Variants in PKD1L3 observed in about 807,000 individuals in gnomAD.
The protein encoded by PKD1L3 is polycystin 1 like 3, transient receptor potential channel interacting, also known as polycystin-1-like protein 3.
Under a neutral mutation model 184.1 loss-of-function variants are expected in PKD1L3, and 239 were observed. The observed-to-expected ratio is 1.30, with a 90% CI of 1.17 to 1.45. PKD1L3 has a LOEUF of 1.45. Among genes scored for constraint, PKD1L3 ranks in the 40% most tolerant of loss-of-function variants. The pLI, the probability that PKD1L3 is intolerant of heterozygous loss-of-function variation, is 0.00. For synonymous variants in PKD1L3, 996 were observed against 778.8 expected (o/e 1.28, Z -4.64); for missense variants, 2,660 against 2,067.2 (o/e 1.29, Z -5.56).
At chr16:71,967,030 G>C in intron 15 of PKD1L3, 107 bp downstream of exon 15, 1 of 1,202,212 alleles carries the variant, frequency 8.3e-7, no homozygotes, top group Non-Finnish European at 1.1e-6. Flanking sequence ...ATAGTCATTT[G>C]TTACTATTTG....
chr16:71,955,199 T>C (rs536341629), intron 16 of PKD1L3, among the ~76,000 whole-genome samples: 1 of 151,916 alleles, frequency 6.6e-6, no homozygotes, highest in African/African-American at 2.4e-5. Flanking sequence ...TGTGAAGGGT[T>C]GGAATGAAAA....
intron 3 of PKD1L3, among the ~76,000 whole-genome samples, chr16:71,992,542 C>A (rs1206136846): frequency 6.6e-6 from 1 of 152,214 alleles, no homozygotes; most frequent in East Asian, 1.9e-4. Context: ...CAAAATATGT[C>A]ATCTTTACTT....
Position 71,944,134 on chromosome 16 carries a change from T to G in PKD1L3, c.3755A>C (p.Lys1252Thr). 2 of 1,551,328 alleles carry G rather than the reference T, an allele frequency of 1.3e-6. No homozygotes were observed. The highest frequency in any genetic ancestry group is 1.4e-5 in the African/African-American group (1 of 73,162). ...CSSSVPGSRDKNNPVYVAPAI... is the reference protein window; with the variant it reads ...CSSSVPGSRDTNNPVYVAPAI... ...TGGGGCTACATAGACGGGGTTGTTC[T>G]TATCTCTTGAACCTGGTACTGACGA... Residue 1252 changes from lysine to threonine, a missense_variant, in exon 23 of 30, where the codon AAG (lysine) becomes ACG (threonine). Transcript: ENST00000620267.
chr16:71,980,571 T>C (rs8050981), intron 7 of PKD1L3, among the ~76,000 whole-genome samples: 115,765 of 152,124 alleles, frequency 0.76, 44,304 homozygotes, highest in South Asian at 0.86. Flanking sequence ...TGGTGGCTCA[T>C]ACCTGTAATC....
rs1455849439 is a variant in PKD1L3 at position 71,982,040 on chromosome 16, C to A, written c.1143+19G>T. On this transcript the variant is annotated intron_variant, in intron 7 of 29. Transcript: ENST00000620267. ...AATGCTTCTAAGCAGATCTGGCCAC[C>A]TGCATATCTGGCACCTACCGGCTCA... 1 of 1,529,830 alleles carries A rather than the reference C, an allele frequency of 6.5e-7. No homozygotes were observed. The allele number at this position is 1,529,830 out of a possible 1,614,324, so 94.8% of individuals were successfully genotyped here.
intron 29 of PKD1L3, 110 bp from the exon 30 acceptor site, chr16:71,929,788 A>AT (rs2037860928): frequency 8.7e-7 from 1 of 1,143,120 alleles, no homozygotes; most frequent in South Asian, 1.7e-5. Context: ...TAAAGATACT[A>AT]TTTCTTTAAT....
chr16:71,990,232 CAA>C (rs1567552682), intron 4 of PKD1L3, 46 bp downstream of exon 4: 5 of 1,450,992 alleles, frequency 3.4e-6, no homozygotes, highest in Non-Finnish European at 4.7e-6. Flanking sequence ...CTAGGTATGA[CAA>C]AGAGATCAAC....
chr16:71,999,075 T>C (rs541876742), intron 1 of PKD1L3, among the ~76,000 whole-genome samples: 6 of 151,940 alleles, frequency 3.9e-5, no homozygotes, highest in African/African-American at 1.2e-4. Context: ...ATCAAGACCA[T>C]CCTGGCTAAC....
At position 71,984,164 on chromosome 16, in the gene PKD1L3, T is replaced by C. The variant is rs527336661; in HGVS notation, c.838A>G (p.Ile280Val). 1.9e-5 allele frequency: 29 copies of C among 1,551,110 alleles called. No homozygotes were observed. The Admixed American group carries it at 2.2e-4, about 12-fold the overall frequency. Residue 280 changes from isoleucine (I) to valine (V), a missense_variant, in exon 6 of 30, where the codon ATA (isoleucine) becomes GTA (valine). Coordinates refer to ENST00000620267, the MANE Select transcript of PKD1L3 (RefSeq NM_181536.2). Reference protein sequence around the residue: ...VSLQKASGQVIDEIAGNFSRA... With the variant: ...VSLQKASGQVVDEIAGNFSRA... ...CTGAAGTTCCCTGCTATCTCATCTA[T>C]GACCTATTGGGAACAAAGAAGTTGT... is the stretch of plus-strand genomic sequence containing the variant.
Position 71,978,475 on chromosome 16 carries a change from A to ATGTGTG in PKD1L3, c.1399-98_1399-93dup, listed in dbSNP as rs67658205. 2.4e-4 allele frequency: 94 copies of ATGTGTG among 385,824 alleles called. 2 individuals are homozygous for ATGTGTG. The highest frequency in any genetic ancestry group is 2.0e-3 in the African/African-American group (77 of 37,742). The allele number at this position is 385,824 out of a possible 1,614,324, so 23.9% of individuals were successfully genotyped here. A position where few individuals can be genotyped will look rare whatever the true frequency, so the allele number is the denominator to read the frequency against. On this transcript the variant is annotated intron_variant, in intron 9 of 29. Coordinates refer to ENST00000620267, the MANE Select transcript of PKD1L3 (RefSeq NM_181536.2). Reference sequence around the variant, plus strand: ...ATATATCATATATACATATGTATATATGTGTGTGTGTGTGTGTGTGTATAT... The same window carrying ATGTGTG: ...ATATATCATATATACATATGTATATATGTGTGTGTGTGTGTGTGTGTGTGTGTATAT...
At chr16:71,978,066 G>A (rs746659081) in intron 10 of PKD1L3, among the ~76,000 whole-genome samples, 189 bp downstream of exon 10, 3 of 152,264 alleles carry the variant, frequency 2.0e-5, no homozygotes, top group Admixed American at 6.5e-5. Flanking sequence ...GAGCCACTGC[G>A]CCCAGCCCTT....
At position 71,982,240 on chromosome 16, in the gene PKD1L3, G is replaced by A. The variant is rs1291400544; in HGVS notation, c.967-5C>T. On this transcript the variant is annotated splice_region_variant and splice_polypyrimidine_tract_variant and intron_variant, in intron 6 of 29. Coordinates refer to ENST00000620267, the MANE Select transcript of PKD1L3 (RefSeq NM_181536.2). Reference sequence around the variant, plus strand: ...AAGGGAATTGATGAGATTAACCTGGGAGGATTAGAAAGCAAACATACACCC... The same window carrying A: ...AAGGGAATTGATGAGATTAACCTGGAAGGATTAGAAAGCAAACATACACCC... 1 of 1,496,154 alleles carries A rather than the reference G, an allele frequency of 6.7e-7. No homozygotes were observed. Among genetic ancestry groups the A allele is most frequent in the East Asian group, 2.5e-5 (1 of 40,006 alleles). 92.7% of individuals were successfully genotyped at this position (1,496,154 alleles called of 1,614,324 possible).
At chr16:71,955,154 G>A (rs1053562914) in intron 16 of PKD1L3, among the ~76,000 whole-genome samples, 1 of 152,132 alleles carries the variant, frequency 6.6e-6, no homozygotes, top group Non-Finnish European at 1.5e-5. Context: ...GAGCTCCAAG[G>A]TCCCATATAA....
chr16:71,930,724 C>T (rs889832785), intron 28 of PKD1L3: 3 of 151,994 alleles, frequency 2.0e-5, no homozygotes, highest in Admixed American at 6.6e-5. Context: ...TTTCTGCATA[C>T]ATAAATATCA....
In PKD1L3 at chr16:71,999,965, C is replaced by A. The variant is rs766138456; in HGVS notation, c.14G>T (p.Gly5Val). ...GATGTATAACCAAAGCCAGCTTCCT[C>A]CTTTGAAGAACATTTTCTCTGAATT... MFFK[G>V]GSWLWLYIRT... The change falls in exon 1 of 30, where the codon GGA (glycine) becomes GTA (valine). Residue 5 changes from glycine (G) to valine (V), a missense_variant. Physicochemically the swap from Gly to Val is moderately radical, Grantham distance 109 (BLOSUM62 -3). Transcript: ENST00000620267. The A allele has an allele frequency of 3.3e-6, 5 of 1,520,598 alleles. No individual in the cohort carries two copies. Among genetic ancestry groups the A allele is most frequent in the Non-Finnish European group, 4.4e-6 (5 of 1,126,230 alleles). 94.2% of individuals were successfully genotyped at this position (1,520,598 alleles called of 1,614,324 possible).
At position 71,970,016 on chromosome 16, in the gene PKD1L3, G is replaced by A. The variant is rs907682263; in HGVS notation, c.2043C>T (p.Thr681=). 9 of 1,551,526 alleles carry A rather than the reference G, an allele frequency of 5.8e-6. No individual in the cohort carries two copies. Among genetic ancestry groups the A allele is most frequent in the Middle Eastern group, 3.3e-4 (2 of 6,014 alleles). The change falls in exon 13 of 30, where the codon ACC becomes ACT. Residue 681 remains threonine, a synonymous_variant. Coordinates refer to ENST00000620267, the MANE Select transcript of PKD1L3 (RefSeq NM_181536.2). ...FASDFFVVPR[T]VNVEDTIKLF... The stretch of plus-strand genomic sequence containing the variant: ...GTTTGATCGTGTCTTCAACATTCAC[G>A]GTCCTGGGCACGACAAAGAAGTCGC...
At chr16:71,953,413 C>T (rs1357978651) in intron 17 of PKD1L3, among the ~76,000 whole-genome samples, 4 of 46,430 alleles carry the variant, frequency 8.6e-5, no homozygotes, top group Non-Finnish European at 2.0e-4. Context: ...TTCTTCATGG[C>T]TGGGGAGGCC....
chr16:71,967,323 G>A lies in PKD1L3; in HGVS notation c.2287-8C>T. ...ATAGAGGGTGATGACAACCTACAATGAGACAGGGAAAGATAAAATATAAGG... is the reference window on the plus strand; with the variant it reads ...ATAGAGGGTGATGACAACCTACAATAAGACAGGGAAAGATAAAATATAAGG... On this transcript the variant is annotated splice_region_variant and splice_polypyrimidine_tract_variant and intron_variant, in intron 14 of 29. Transcript: ENST00000620267. The A allele has an allele frequency of 6.5e-7, 1 of 1,547,794 alleles. No homozygotes were observed. Among genetic ancestry groups the A allele is most frequent in the African/African-American group, 1.4e-5 (1 of 72,960 alleles).
Position 71,942,711 on chromosome 16 carries a change from G to T in PKD1L3, c.4173C>A (p.Thr1391=). The part of the protein sequence containing the change: ...GQLAFCDNGH[T]CGRPKSLFPG... ...GGAATAGGCTCTTGGGACGCCCACA[G>T]GTATGGCCGTTATCACAAAACGCCA... Residue 1391 remains threonine, a synonymous_variant, in exon 24 of 30, where the codon ACC becomes ACA. Transcript: ENST00000620267. 6.4e-7 allele frequency: 1 copy of T among 1,551,718 alleles called. No individual in the cohort carries two copies. The highest frequency in any genetic ancestry group is 1.2e-5 in the South Asian group (1 of 84,054).
Sources: gnomAD v4.1 joint callset for allele counts (sites outside exome capture counted in the v4.1 genomes callset) on GRCh38, gnomAD v4.1.1 for gene constraint, MANE v1.5 for transcripts, NCBI Gene and HGNC (gene_info 2026-07-23, HGNC 2026-07-21) for gene names.